UBE2U: variants seen among roughly 807,000 people sequenced by gnomAD.
UBE2U encodes the protein ubiquitin-conjugating enzyme E2 U.
UBE2U carries 39 observed loss-of-function variants against 41.2 expected under a neutral mutation model. The observed-to-expected ratio is 0.95, with a 90% CI of 0.73 to 1.24. The LOEUF is 1.24. Ranked by LOEUF, UBE2U falls within the 50% of genes most tolerant of loss-of-function variation. The probability of loss-of-function intolerance (pLI) is 0.00; values close to 1 mark genes in which losing one functional copy is unlikely to be tolerated. For missense variants in UBE2U, 336 were observed against 363.1 expected (o/e 0.93, Z 0.61); for synonymous variants, 107 against 117.8 (o/e 0.91, Z 0.60).
At chr1:64,204,143 T>G in intron 1 of UBE2U, 27 bp downstream of exon 1, 1 of 1,595,780 alleles carries the variant, frequency 6.3e-7, no homozygotes, top group Non-Finnish European at 8.6e-7. Context: ...TGGAGAGATG[T>G]GTTTCATTGT....
At chr1:64,239,948 GT>G (rs1336384796) in intron 7 of UBE2U, among the ~76,000 whole-genome samples, 1 of 152,080 alleles carries the variant, frequency 6.6e-6, no homozygotes, top group African/African-American at 2.4e-5. Flanking sequence ...TCACCACACT[GT>G]TTTCCACAAT....
intron 8 of UBE2U, among the ~76,000 whole-genome samples, chr1:64,255,565 T>G (rs888079610): frequency 3.3e-5 from 5 of 152,118 alleles, no homozygotes; most frequent in African/African-American, 1.2e-4. Context: ...ATCAAAAAAC[T>G]TATCCACCAC....
chr1:64,223,332 A>T (rs1189001991), intron 6 of UBE2U, among the ~76,000 whole-genome samples: 1 of 152,216 alleles, frequency 6.6e-6, no homozygotes, highest in African/African-American at 2.4e-5. Flanking sequence ...GAGACAGTGC[A>T]AGAAGTAGGC....
rs1249325541 is a variant in UBE2U, at chr1:64,267,300, A to AT, written c.*100dup. 3.6e-5 allele frequency: 40 copies of AT among 1,111,172 alleles called. No individual in the cohort carries two copies. The highest frequency in any genetic ancestry group is 8.1e-5 in the South Asian group (4 of 49,474). 68.8% of individuals were successfully genotyped at this position (1,111,172 alleles called of 1,614,324 possible). On this transcript the variant is annotated 3_prime_UTR_variant, in exon 10 of 10. Transcript: ENST00000371077. ...GGAAGACTCTCAGAACTTGGATTTC[A>AT]TTTTTTTTAAGTTGTTCTCACCCAC...
intron 7 of UBE2U, among the ~76,000 whole-genome samples, chr1:64,239,079 AGGAAGAGGAAGAG>A (rs1644732806): frequency 1.1e-3 from 70 of 62,172 alleles, no homozygotes; most frequent in South Asian, 0.011. Flanking sequence ...GAAGAGGAAG[AGGAAGAGGAAGAG>A]GAAGAAGAAG....
chr1:64,261,106 T>C (rs1645174356), intron 9 of UBE2U, among the ~76,000 whole-genome samples: 1 of 152,194 alleles, frequency 6.6e-6, no homozygotes, highest in Non-Finnish European at 1.5e-5. Context: ...TCGTGCTCTT[T>C]TAAAAATTAC....
chr1:64,210,152 C>T (rs1277199025), intron 3 of UBE2U, among the ~76,000 whole-genome samples: 1 of 152,144 alleles, frequency 6.6e-6, no homozygotes, highest in Non-Finnish European at 1.5e-5. Context: ...ATGATCCTTT[C>T]CCAAAAGAAA....
At chr1:64,258,826 G>C (rs978772774) in intron 8 of UBE2U, among the ~76,000 whole-genome samples, 4 of 152,062 alleles carry the variant, frequency 2.6e-5, no homozygotes, top group African/African-American at 9.7e-5. Context: ...CAATCCTTTG[G>C]GTATATACCC....
chr1:64,231,484 C>A (rs1043296886), intron 6 of UBE2U, among the ~76,000 whole-genome samples: 1 of 152,142 alleles, frequency 6.6e-6, no homozygotes, highest in South Asian at 2.1e-4. Context: ...GCACAGCATG[C>A]GGCTCTGGAA....
intron 1 of UBE2U, among the ~76,000 whole-genome samples, 171 bp downstream of exon 1, chr1:64,204,287 A>T (rs1651152634): frequency 6.6e-6 from 1 of 152,240 alleles, no homozygotes; most frequent in Non-Finnish European, 1.5e-5. Flanking sequence ...ATTAATAACA[A>T]TTATTATTAC....
chr1:64,267,149 GA>G lies in UBE2U; in HGVS notation c.897del (p.Val300TrpfsTer4). 1.3e-6 allele frequency: 2 copies of G among 1,549,438 alleles called. No homozygotes were observed. The highest frequency in any genetic ancestry group is 1.7e-6 in the Non-Finnish European group (2 of 1,146,744). ...TGACACAGATGAGCCCAGGGAAGAG[GA>G]AGTGGAAGATCTGATCTCCTGGACC... ...ENDTDEPREE[E>X]VEDLISWTNT... On this transcript the variant is annotated frameshift_variant, in exon 10 of 10. Coordinates refer to ENST00000371077, the MANE Select transcript of UBE2U (RefSeq NM_001366232.2). LOFTEE classifies it low-confidence loss of function (END_TRUNC).
At chr1:64,223,613 A>T (rs1298261992) in intron 6 of UBE2U, among the ~76,000 whole-genome samples, 2 of 152,166 alleles carry the variant, frequency 1.3e-5, no homozygotes, top group Non-Finnish European at 1.5e-5. Context: ...TCAGCATTTT[A>T]TTGGGCCATG....
chr1:64,222,893 CAT>C (rs1287199742), intron 6 of UBE2U, among the ~76,000 whole-genome samples: 3 of 152,246 alleles, frequency 2.0e-5, no homozygotes, highest in South Asian at 2.1e-4. Flanking sequence ...TTCTAAAAGA[CAT>C]AGCAAAACTT....
At chr1:64,262,520 A>C (rs1645193748) in intron 9 of UBE2U, among the ~76,000 whole-genome samples, 1 of 152,114 alleles carries the variant, frequency 6.6e-6, no homozygotes, top group South Asian at 2.1e-4. Flanking sequence ...TTCTGTCTTT[A>C]GGAATGAGGG....
chr1:64,249,714 T>C (rs1482555242), intron 8 of UBE2U, among the ~76,000 whole-genome samples: 4 of 151,706 alleles, frequency 2.6e-5, no homozygotes, highest in Non-Finnish European at 5.9e-5. Context: ...TGTAGCAATA[T>C]AATCTCTTTA....
intron 9 of UBE2U, among the ~76,000 whole-genome samples, chr1:64,265,098 G>C (rs557857476): frequency 1.3e-5 from 2 of 152,238 alleles, no homozygotes; most frequent in East Asian, 3.9e-4. Flanking sequence ...TTTTCCCCTG[G>C]ATGTTGCTGT....
chr1:64,244,912 G>A (rs1174149972), intron 8 of UBE2U, among the ~76,000 whole-genome samples: 2 of 152,148 alleles, frequency 1.3e-5, no homozygotes, highest in Non-Finnish European at 2.9e-5. Context: ...TTAGTATTAG[G>A]ATTAAATGTG....
chr1:64,256,834 A>G (rs1272425373), intron 8 of UBE2U, among the ~76,000 whole-genome samples: 1 of 152,136 alleles, frequency 6.6e-6, no homozygotes, highest in Non-Finnish European at 1.5e-5. Flanking sequence ...GACAACCTAA[A>G]GAAAGGGAGA....
At chr1:64,238,385 C>T (rs1570072660) in intron 7 of UBE2U, among the ~76,000 whole-genome samples, 3 of 147,902 alleles carry the variant, frequency 2.0e-5, no homozygotes, top group African/African-American at 7.5e-5. Context: ...GCCTGGGTGA[C>T]AGAGTGAGAC....
Sources: allele counts gnomAD v4.1 joint callset (sites outside exome capture counted in the v4.1 genomes callset), GRCh38; gene constraint gnomAD v4.1.1; transcripts MANE v1.5; gene names NCBI Gene and HGNC (gene_info 2026-07-23, HGNC 2026-07-21).